The following ADARB2 variants were observed in gnomAD, a reference collection of about 807,000 sequenced individuals.
The protein encoded by ADARB2 is adenosine deaminase RNA specific B2 (inactive), also known as inactive double-stranded RNA-specific editase B2.
Under a neutral mutation model 62.2 loss-of-function variants are expected in ADARB2, and 25 were observed. The ratio of observed to expected loss-of-function variants is 0.40; its 90% CI spans 0.29 to 0.56. ADARB2 has a LOEUF of 0.56. ADARB2 is among the 20% of genes least tolerant of loss of function. The probability of loss-of-function intolerance (pLI) is 0.43; values close to 1 mark genes in which losing one functional copy is unlikely to be tolerated. For synonymous variants in ADARB2, 572 were observed against 500.8 expected (o/e 1.14, Z -1.90); for missense variants, 1,071 against 1,077.4 (o/e 0.99, Z 0.08).
At chr10:1,632,555 A>G (rs1833856053) in intron 1 of ADARB2, among the ~76,000 whole-genome samples, 1 of 152,192 alleles carries the variant, frequency 6.6e-6, no homozygotes, top group South Asian at 2.1e-4. Flanking sequence ...CTGTGGGCTG[A>G]GTTGTGGCCC....
chr10:1,661,838 T>A (rs902313034), intron 1 of ADARB2, among the ~76,000 whole-genome samples: 2 of 152,128 alleles, frequency 1.3e-5, no homozygotes, highest in Admixed American at 6.5e-5. Flanking sequence ...ACGGGGAGAA[T>A]CAGGCACTCA....
chr10:1,569,281 A>G (rs1457758890), intron 1 of ADARB2, among the ~76,000 whole-genome samples: 1 of 151,990 alleles, frequency 6.6e-6, no homozygotes, highest in Non-Finnish European at 1.5e-5. Flanking sequence ...AGAGACAGAG[A>G]GAGAGAACTG....
chr10:1,703,788 A>C (rs796382612), intron 1 of ADARB2, among the ~76,000 whole-genome samples: 13 of 152,332 alleles, frequency 8.5e-5, no homozygotes, highest in African/African-American at 3.1e-4. Flanking sequence ...TTTTGAAAGT[A>C]GCATTTGGCC....
chr10:1,323,125 T>C (rs1831809936), intron 3 of ADARB2, among the ~76,000 whole-genome samples: 1 of 152,146 alleles, frequency 6.6e-6, no homozygotes, highest in South Asian at 2.1e-4. Flanking sequence ...TTTTGTGAAA[T>C]GAATTAACAC....
intron 6 of ADARB2, among the ~76,000 whole-genome samples, chr10:1,232,957 A>T (rs549167208): frequency 6.6e-6 from 1 of 152,086 alleles, no homozygotes; most frequent in African/African-American, 2.4e-5. Context: ...ATATACATAT[A>T]TGTGTGTGAC....
At chr10:1,431,136 A>C (rs1588255497) in intron 1 of ADARB2, among the ~76,000 whole-genome samples, 1 of 140,118 alleles carries the variant, frequency 7.1e-6, no homozygotes, top group East Asian at 2.1e-4. Flanking sequence ...TAGAATACAC[A>C]TATTTTTCAA....
intron 1 of ADARB2, among the ~76,000 whole-genome samples, chr10:1,631,247 T>C (rs930302266): frequency 6.6e-6 from 1 of 152,042 alleles, no homozygotes; most frequent in Non-Finnish European, 1.5e-5. Flanking sequence ...TTCTTTACTT[T>C]CTTCCTTCCT....
chr10:1,508,911 G>A (rs1211674408), intron 1 of ADARB2, among the ~76,000 whole-genome samples: 2 of 152,204 alleles, frequency 1.3e-5, no homozygotes, highest in Admixed American at 1.3e-4. Context: ...GCTCTGCGGA[G>A]GCCTTTCCTT....
At position 1,520,371 on chromosome 10, in the gene ADARB2, T is replaced by G. The variant is rs191455649; in HGVS notation, c.101-141211A>C. Among the ~76,000 whole-genome samples, 30 of 152,346 alleles carry G rather than the reference T, an allele frequency of 2.0e-4. 1 individual carries two copies. In the East Asian group the frequency reaches 5.6e-3, roughly 28 times the overall value. ...TCAAAATTGAAGAAGCACTTATATCTGGCTGGTGGGGTTATGAGTGACTTT... is the reference window on the plus strand; with the variant it reads ...TCAAAATTGAAGAAGCACTTATATCGGGCTGGTGGGGTTATGAGTGACTTT... On this transcript the variant is annotated intron_variant, in intron 1 of 9. Transcript: ENST00000381312.
intron 1 of ADARB2, among the ~76,000 whole-genome samples, chr10:1,416,335 T>C (rs1832801454): frequency 6.6e-6 from 1 of 152,244 alleles, no homozygotes; most frequent in East Asian, 1.9e-4. Context: ...TGAAACTAAA[T>C]GAAGGCCCAA....
chr10:1,500,222 C>T (rs1038305670), intron 1 of ADARB2, among the ~76,000 whole-genome samples: 1 of 152,206 alleles, frequency 6.6e-6, no homozygotes, highest in South Asian at 2.1e-4. Flanking sequence ...CACCCGTGTT[C>T]TTGTTTAGGC....
intron 2 of ADARB2, among the ~76,000 whole-genome samples, chr10:1,371,467 T>G (rs1564272165): frequency 1.3e-5 from 2 of 152,058 alleles, no homozygotes; most frequent in African/African-American, 4.8e-5. Context: ...AACAAGCTTC[T>G]GCACAGCAAA....
intron 1 of ADARB2, among the ~76,000 whole-genome samples, chr10:1,464,192 G>A (rs575140795): frequency 7.0e-6 from 1 of 142,014 alleles, no homozygotes; most frequent in African/African-American, 2.6e-5. Flanking sequence ...CGGAGAAGAG[G>A]GTGGACACAC....
intron 3 of ADARB2, among the ~76,000 whole-genome samples, chr10:1,321,431 A>G (rs951026859): frequency 6.6e-6 from 1 of 152,048 alleles, no homozygotes; most frequent in African/African-American, 2.4e-5. Context: ...CCCAGGCTGG[A>G]GTGCAGTGAC....
At chr10:1,241,951 G>A (rs987274779) in intron 5 of ADARB2, among the ~76,000 whole-genome samples, 180 bp downstream of exon 5, 5 of 152,192 alleles carry the variant, frequency 3.3e-5, no homozygotes, top group African/African-American at 9.7e-5. Context: ...CAGCGCACAC[G>A]GCGGCTTTAT....
At chr10:1,713,880 T>C (rs560767674) in intron 1 of ADARB2, among the ~76,000 whole-genome samples, 1 of 152,328 alleles carries the variant, frequency 6.6e-6, no homozygotes, top group South Asian at 2.1e-4. Flanking sequence ...TAAAATGATA[T>C]CTGCCATACA....
intron 1 of ADARB2, among the ~76,000 whole-genome samples, chr10:1,433,443 G>A (rs1354262223): frequency 7.9e-5 from 12 of 152,216 alleles, no homozygotes; most frequent in Non-Finnish European, 1.8e-4. Context: ...GGATTAAAAC[G>A]TGTGGATAAG....
chr10:1,347,514 A>C (rs1379343504), intron 3 of ADARB2, among the ~76,000 whole-genome samples: 2 of 152,140 alleles, frequency 1.3e-5, no homozygotes, highest in African/African-American at 4.8e-5. Flanking sequence ...CTGGAGACTA[A>C]GCTCACCACC....
At chr10:1,539,203 T>C (rs1372424833) in intron 1 of ADARB2, among the ~76,000 whole-genome samples, 1 of 152,248 alleles carries the variant, frequency 6.6e-6, no homozygotes, top group Non-Finnish European at 1.5e-5. Context: ...ATTATGCACC[T>C]TACTTAACAT....
Sources: gnomAD v4.1 joint callset for allele counts (sites outside exome capture counted in the v4.1 genomes callset) on GRCh38, gnomAD v4.1.1 for gene constraint, MANE v1.5 for transcripts, NCBI Gene and HGNC (gene_info 2026-07-23, HGNC 2026-07-21) for gene names.